ST8SIA1: variants seen among roughly 807,000 people sequenced by gnomAD.
The protein encoded by ST8SIA1 is ST8 alpha-N-acetyl-neuraminide alpha-2,8-sialyltransferase 1, also known as alpha-N-acetylneuraminide alpha-2,8-sialyltransferase.
Under a neutral mutation model 35.9 loss-of-function variants are expected in ST8SIA1, and 16 were observed. The observed-to-expected ratio is 0.45, with a 90% CI of 0.30 to 0.68. ST8SIA1 has a LOEUF of 0.68. Among genes scored for constraint, ST8SIA1 ranks in the 30% least tolerant of loss-of-function variants. ST8SIA1 has a pLI of 0.09. For missense variants in ST8SIA1, 383 were observed against 453.6 expected, an observed-to-expected ratio of 0.84 and a Z score of 1.41; for synonymous variants, 170 against 169.6, an observed-to-expected ratio of 1.00 and a Z score of -0.02.
At position 22,230,030 on chromosome 12, in the gene ST8SIA1, C is replaced by T. The variant is rs138065116; in HGVS notation, c.584+18976G>A. Among the ~76,000 whole-genome samples, 4 of 152,256 alleles carry T rather than the reference C, an allele frequency of 2.6e-5. No homozygotes were observed. In the East Asian group the frequency reaches 5.8e-4, roughly 22 times the overall value. ...AGCAGAGATCAAGTAATGTAAGTACCGGTAACCACTAGTTTCATTCGTCCA... is the reference window on the plus strand; with the variant it reads ...AGCAGAGATCAAGTAATGTAAGTACTGGTAACCACTAGTTTCATTCGTCCA... On this transcript the variant is annotated intron_variant, in intron 4 of 4. Coordinates refer to ENST00000396037, the MANE Select transcript of ST8SIA1 (RefSeq NM_003034.4).
chr12:22,230,203 A>G (rs1231641494), intron 4 of ST8SIA1, among the ~76,000 whole-genome samples: 1 of 152,202 alleles, frequency 6.6e-6, no homozygotes, highest in Non-Finnish European at 1.5e-5. Context: ...GGTTTTAGTG[A>G]TATCAGGCAC....
At chr12:22,205,911 A>T (rs919462521) in intron 4 of ST8SIA1, among the ~76,000 whole-genome samples, 3 of 152,180 alleles carry the variant, frequency 2.0e-5, no homozygotes, top group African/African-American at 7.2e-5. Context: ...AAAGGGAATT[A>T]CTCTGAGAAA....
At chr12:22,227,478 G>A (rs1423421603) in intron 4 of ST8SIA1, among the ~76,000 whole-genome samples, 4 of 152,034 alleles carry the variant, frequency 2.6e-5, no homozygotes, top group Non-Finnish European at 5.9e-5. Flanking sequence ...GGAGGCTGAG[G>A]CAGGAGAATT....
intron 4 of ST8SIA1, among the ~76,000 whole-genome samples, chr12:22,227,300 C>T (rs1477129301): frequency 1.3e-5 from 2 of 151,966 alleles, no homozygotes; most frequent in East Asian, 4.0e-4. Flanking sequence ...TGAGGCCAGG[C>T]GCGGTGGCTC....
intron 2 of ST8SIA1, chr12:22,268,385 T>C (rs1018379289): frequency 3.3e-5 from 5 of 152,032 alleles, no homozygotes; most frequent in African/African-American, 4.8e-5. Context: ...AGGAAGGCAA[T>C]AGGAAGTGCT....
intron 1 of ST8SIA1, among the ~76,000 whole-genome samples, chr12:22,312,459 A>G (rs1392539868): frequency 6.6e-6 from 1 of 152,196 alleles, no homozygotes. Context: ...TTCTCCAAAG[A>G]AGCCTGGCTG....
rs554718899 is a variant in ST8SIA1 at position 22,202,047 on chromosome 12, G to GA, written c.585-10dup. The stretch of plus-strand genomic sequence containing the variant: ...ACAGAAGGTTCTGAAACCTATTGAA[G>GA]AAAAAAAAAACTGTTCAATTAAACC... On this transcript the variant is annotated splice_polypyrimidine_tract_variant and intron_variant, in intron 4 of 4. Coordinates refer to ENST00000396037, the MANE Select transcript of ST8SIA1 (RefSeq NM_003034.4). 0.016 allele frequency: 20,011 copies of GA among 1,221,458 alleles called. No individual in the cohort carries two copies. Among genetic ancestry groups the GA allele is most frequent in the South Asian group, 0.028 (1,612 of 56,954 alleles). 75.7% of individuals were successfully genotyped at this position (1,221,458 alleles called of 1,614,324 possible).
chr12:22,251,952 T>A (rs1355209071), intron 3 of ST8SIA1, among the ~76,000 whole-genome samples: 1 of 152,214 alleles, frequency 6.6e-6, no homozygotes, highest in East Asian at 1.9e-4. Context: ...ACCAAAATTA[T>A]GTTCCCTCAT....
At chr12:22,316,382 G>A (rs536066246) in intron 1 of ST8SIA1, among the ~76,000 whole-genome samples, 3 of 152,152 alleles carry the variant, frequency 2.0e-5, no homozygotes, top group Non-Finnish European at 4.4e-5. Flanking sequence ...GGATGGACTT[G>A]GCATTACAAA....
At chr12:22,249,825 C>A (rs73081088) in intron 3 of ST8SIA1, among the ~76,000 whole-genome samples, 5,381 of 152,226 alleles carry the variant, frequency 0.035, 165 homozygotes, top group Non-Finnish European at 0.052. Flanking sequence ...AGTACCTCTG[C>A]ACACCCATAA....
At chr12:22,314,834 AC>A (rs1360565764) in intron 1 of ST8SIA1, among the ~76,000 whole-genome samples, 2 of 152,094 alleles carry the variant, frequency 1.3e-5, no homozygotes, top group Admixed American at 1.3e-4. Flanking sequence ...TTACCATGTT[AC>A]TTACATACTC....
rs1864999300 is a variant in ST8SIA1, at chr12:22,197,186, A to G, written c.*4366T>C. On this transcript the variant is annotated 3_prime_UTR_variant, in exon 5 of 5. Transcript: ENST00000396037. ...CCCAATAAAAGTCATATAACCTGAG[A>G]GTCGACCTATACGACGGGAAGATAA... 3 of 152,210 alleles carry G rather than the reference A, an allele frequency of 2.0e-5. No homozygotes were observed. Among genetic ancestry groups the G allele is most frequent in the Admixed American group, 2.0e-4 (3 of 15,278 alleles). 9.4% of individuals were successfully genotyped at this position (152,210 alleles called of 1,614,324 possible).
intron 1 of ST8SIA1, among the ~76,000 whole-genome samples, chr12:22,303,524 G>A (rs928733829): frequency 6.6e-6 from 1 of 152,072 alleles, no homozygotes; most frequent in Non-Finnish European, 1.5e-5. Context: ...AACTGAATCG[G>A]GGTTTGTTTT....
chr12:22,318,552 C>T (rs530518370), intron 1 of ST8SIA1, among the ~76,000 whole-genome samples: 1 of 152,250 alleles, frequency 6.6e-6, no homozygotes, highest in East Asian at 1.9e-4. Context: ...GAGACATCCT[C>T]CTTCCCCCTC....
At chr12:22,261,102 A>G (rs1343905319) in intron 2 of ST8SIA1, among the ~76,000 whole-genome samples, 1 of 150,992 alleles carries the variant, frequency 6.6e-6, no homozygotes, top group East Asian at 2.0e-4. Context: ...TAATTTATAT[A>G]TATTTTGAAC....
At chr12:22,223,511 T>G (rs1468705196) in intron 4 of ST8SIA1, 4 of 1,008,832 alleles carry the variant, frequency 4.0e-6, no homozygotes, top group South Asian at 7.7e-5. Flanking sequence ...GCCAATGTCA[T>G]GTACCTGTGT....
chr12:22,333,551 G>T (rs1436243439), intron 1 of ST8SIA1, among the ~76,000 whole-genome samples: 4 of 152,214 alleles, frequency 2.6e-5, no homozygotes, highest in African/African-American at 9.6e-5. Flanking sequence ...TCACTCCGAC[G>T]TTGGGGACTT....
intron 4 of ST8SIA1, among the ~76,000 whole-genome samples, chr12:22,247,067 T>TCTCA (rs1865612873): frequency 6.6e-6 from 1 of 150,656 alleles, no homozygotes; most frequent in Non-Finnish European, 1.5e-5. Context: ...CAAAACAGTC[T>TCTCA]CTCCCTCCCT....
intron 4 of ST8SIA1, among the ~76,000 whole-genome samples, chr12:22,209,273 A>T (rs1865149641): frequency 6.6e-6 from 1 of 152,230 alleles, no homozygotes; most frequent in Non-Finnish European, 1.5e-5. Flanking sequence ...AAACAGTAGT[A>T]TCCAGAACAC....
Sources: gnomAD v4.1 joint callset for allele counts (sites outside exome capture counted in the v4.1 genomes callset) on GRCh38, gnomAD v4.1.1 for gene constraint, MANE v1.5 for transcripts, NCBI Gene and HGNC (gene_info 2026-07-23, HGNC 2026-07-21) for gene names.